ASPM: variants seen among roughly 807,000 people sequenced by gnomAD.
ASPM encodes abnormal spindle-like microcephaly-associated protein.
Under a neutral mutation model 366.4 loss-of-function variants are expected in ASPM, and 256 were observed. That is an observed-to-expected ratio of 0.70 (90% CI 0.63 to 0.77). The LOEUF (loss-of-function observed/expected upper bound fraction) is 0.77. ASPM is among the 30% of genes least tolerant of loss of function. The pLI, the probability that ASPM is intolerant of heterozygous loss-of-function variation, is 0.00. For missense variants in ASPM, 4,146 were observed against 4,090.4 expected (o/e 1.01, Z -0.37); for synonymous variants, 1,414 against 1,342.9 (o/e 1.05, Z -1.16).
rs566435162 is a variant in ASPM at position 197,138,412 on chromosome 1, C to T, written c.2026+1355G>A. On this transcript the variant is annotated intron_variant, in intron 4 of 27. Coordinates refer to ENST00000367409, the MANE Select transcript of ASPM (RefSeq NM_018136.5). ...CCACCTCTGGGGCCCAAGTGACTCT[C>T]CCAGCCTCCCAAGCAGCTGGGACCA... Among the ~76,000 whole-genome samples, 4 of 152,184 alleles carry T rather than the reference C, an allele frequency of 2.6e-5. No individual in the cohort carries two copies. The South Asian group carries it at 8.3e-4, about 32-fold the overall frequency.
Position 197,101,171 on chromosome 1 carries a change from G to A in ASPM, c.8080C>T (p.Leu2694=). ...TGCATTCGATAGAATGACTGAATTA[G>A]TGTGGCAGCCCGGTGCATATTTTGA... The part of the protein sequence containing the change: ...DIQNMHRAAT[L]IQSFYRMHRA... Residue 2694 remains leucine (L), a synonymous_variant, in exon 18 of 28, where the codon CTA becomes TTA. Transcript: ENST00000367409. The A allele has an allele frequency of 2.5e-6, 4 of 1,612,398 alleles. No homozygotes were observed. The highest frequency in any genetic ancestry group is 2.5e-6 in the Non-Finnish European group (3 of 1,179,102).
At chr1:197,089,252 C>T (rs1172313228) in intron 25 of ASPM, among the ~76,000 whole-genome samples, 1 of 151,924 alleles carries the variant, frequency 6.6e-6, no homozygotes, top group Non-Finnish European at 1.5e-5. Context: ...GGGTAAAGCG[C>T]TTTAAGTTGT....
Position 197,102,536 on chromosome 1 carries a change from G to C in ASPM, c.6715C>G (p.Leu2239Val). Residue 2239 changes from leucine to valine, a missense_variant, in exon 18 of 28, where the codon CTG becomes GTG. Around this residue, in one of 3 missense-constraint regions of ASPM, gnomAD observed 3,624 missense variants for 3,591.7 expected, o/e 1.01. Transcript: ENST00000367409. ...RNIQFQRYNK[L>V]RHSVIYIQAI... ...TGAATGTATATTACAGAATGCCTCA[G>C]TTTGTTATACCTTTGAAATTGTATG... 1.9e-6 allele frequency: 3 copies of C among 1,612,482 alleles called. No homozygotes were observed. Among genetic ancestry groups the C allele is most frequent in the Non-Finnish European group, 2.5e-6 (3 of 1,179,194 alleles).
intron 5 of ASPM, 96 bp from the exon 6 acceptor site, chr1:197,133,691 A>G: frequency 1.4e-6 from 2 of 1,429,802 alleles, no homozygotes; most frequent in Non-Finnish European, 9.6e-7. Flanking sequence ...CGGTAAAAAC[A>G]TAATCTATTC....
intron 12 of ASPM, among the ~76,000 whole-genome samples, chr1:197,124,551 G>C (rs544061722): frequency 6.6e-6 from 1 of 151,600 alleles, no homozygotes; most frequent in East Asian, 2.0e-4. Context: ...ACACTGAAGT[G>C]ATAAAATGTT....
rs1372165891 is a variant in ASPM at position 197,146,658 on chromosome 1, C to A, written c.-221G>T. On this transcript the variant is annotated 5_prime_UTR_variant, in exon 1 of 28. Transcript: ENST00000367409. ...AAAAAGAGGAGCCAAACAAGTATGG[C>A]GTTTTGACTCTGTTTAAACTTGCCG... 3.3e-6 allele frequency: 2 copies of A among 600,018 alleles called. No homozygotes were observed. The highest frequency in any genetic ancestry group is 3.0e-5 in the Admixed American group (1 of 33,366). 37.2% of individuals were successfully genotyped at this position (600,018 alleles called of 1,614,324 possible). A position where few individuals can be genotyped will look rare whatever the true frequency, so the allele number is the denominator to read the frequency against.
chr1:197,103,226 T>C lies in ASPM; in HGVS notation c.6025A>G (p.Ile2009Val), dbSNP rs771315586. The C allele has an allele frequency of 1.2e-6, 2 of 1,612,924 alleles. No homozygotes were observed. The highest frequency in any genetic ancestry group is 1.7e-6 in the Non-Finnish European group (2 of 1,179,432). Residue 2009 changes from isoleucine (I) to valine (V), a missense_variant, in exon 18 of 28, where the codon ATT becomes GTT. By Grantham distance (29) the Ile-to-Val change is conservative (BLOSUM62 3). Around this residue, in one of 3 missense-constraint regions of ASPM, gnomAD observed 3,624 missense variants for 3,591.7 expected, o/e 1.01. Coordinates refer to ENST00000367409, the MANE Select transcript of ASPM (RefSeq NM_018136.5). ...TATAAATGATTCTGTTCTCTTCCAA[T>C]ACTGTAAGCCCTATAATACTTTTGA... The part of the protein sequence containing the change: ...LIQKYYRAYS[I>V]GREQNHLYLK...
chr1:197,120,638 T>C (rs867287604), intron 16 of ASPM, among the ~76,000 whole-genome samples: 2 of 152,142 alleles, frequency 1.3e-5, no homozygotes, highest in South Asian at 2.1e-4. Flanking sequence ...TTTAATGCAA[T>C]ATACAATGGG....
chr1:197,143,353 G>A lies in ASPM; in HGVS notation c.899C>T (p.Pro300Leu), dbSNP rs1391535966. Residue 300 changes from proline (P) to leucine (L), a missense_variant, in exon 3 of 28, where the codon CCC becomes CTC. Around this residue, in one of 3 missense-constraint regions of ASPM, gnomAD observed 512 missense variants for 471.7 expected, o/e 1.09. Transcript: ENST00000367409. ...AATGTTCAAAGTTGAAGAACAGTTG[G>A]GGGTAAGACTAAGTTTACTATTCTC... ...RGENSKLSLT[P>L]NCSSTLNITQ... 1 of 1,613,930 alleles carries A rather than the reference G, an allele frequency of 6.2e-7. No individual in the cohort carries two copies. Among genetic ancestry groups the A allele is most frequent in the Non-Finnish European group, 8.5e-7 (1 of 1,179,804 alleles).
chr1:197,133,283 G>A (rs1317197328), intron 6 of ASPM, 67 bp downstream of exon 6: 34 of 1,531,442 alleles, frequency 2.2e-5, no homozygotes, highest in Non-Finnish European at 1.6e-5. Context: ...AAAGCCGGGG[G>A]AAAAAAACAC....
Position 197,146,123 on chromosome 1 carries a change from G to A in ASPM, c.297+18C>T, listed in dbSNP as rs538255813. 1 of 1,613,906 alleles carries A rather than the reference G, an allele frequency of 6.2e-7. No homozygotes were observed. Among genetic ancestry groups the A allele is most frequent in the South Asian group, 1.1e-5 (1 of 91,076 alleles). On this transcript the variant is annotated intron_variant, in intron 1 of 27. Transcript: ENST00000367409. ...GAAGCAGAACACCGGCCTGGAGCAC[G>A]CTCCTCCTGAGACCTACCTGCAACA...
rs77736715 is a variant in ASPM, at chr1:197,143,347, C to G, written c.905G>C (p.Cys302Ser). 1.9e-6 allele frequency: 3 copies of G among 1,613,918 alleles called. No individual in the cohort carries two copies. The highest frequency in any genetic ancestry group is 2.5e-6 in the Non-Finnish European group (3 of 1,179,818). The change falls in exon 3 of 28, where the codon TGT (cysteine) becomes TCT (serine). Residue 302 changes from cysteine (C) to serine (S), a missense_variant. By Grantham distance (112) the Cys-to-Ser change is moderately radical. Transcript: ENST00000367409. ...TTGTGTAATGTTCAAAGTTGAAGAA[C>G]AGTTGGGGGTAAGACTAAGTTTACT... ...ENSKLSLTPN[C>S]SSTLNITQSQ...
Position 197,104,063 on chromosome 1 carries a change from C to A in ASPM, c.5188G>T (p.Glu1730Ter). The A allele has an allele frequency of 1.9e-6, 3 of 1,612,946 alleles. No homozygotes were observed. The highest frequency in any genetic ancestry group is 2.5e-6 in the Non-Finnish European group (3 of 1,179,448). Residue 1730 changes from glutamate to a stop codon, truncating the protein, a stop_gained, in exon 18 of 28, where the codon GAA (glutamate) becomes TAA (stop). Transcript: ENST00000367409. LOFTEE classifies it high-confidence loss of function. ...QKREEYMQMR[E>*]SCIKLQAFVR... The stretch of plus-strand genomic sequence containing the variant: ...AATGCTTGCAGTTTGATACAAGATT[C>A]CCGCATCTGCATATACTCTTCTCTC...
At chr1:197,111,726 C>T (rs950269650) in intron 17 of ASPM, among the ~76,000 whole-genome samples, 4 of 151,980 alleles carry the variant, frequency 2.6e-5, no homozygotes, top group Non-Finnish European at 5.9e-5. Flanking sequence ...TACACACACA[C>T]TGGAGACATA....
intron 16 of ASPM, 99 bp from the exon 17 acceptor site, chr1:197,118,082 T>C (rs1571612079): frequency 2.6e-6 from 3 of 1,161,138 alleles, no homozygotes; most frequent in South Asian, 1.3e-5. Context: ...ATCAAATTGA[T>C]ACTGGAAATA....
At chr1:197,140,493 T>C (rs532194195) in intron 3 of ASPM, among the ~76,000 whole-genome samples, 1 of 152,222 alleles carries the variant, frequency 6.6e-6, no homozygotes, top group South Asian at 2.1e-4. Flanking sequence ...AACAAATTTA[T>C]GAGAAGTGTA....
rs368239890 is a variant in ASPM, at chr1:197,128,676, A to G, written c.2761-11T>C. 440 of 1,593,940 alleles carry G rather than the reference A, an allele frequency of 2.8e-4. No individual in the cohort carries two copies. The highest frequency in any genetic ancestry group is 3.6e-4 in the Non-Finnish European group (419 of 1,164,538). On this transcript the variant is annotated splice_polypyrimidine_tract_variant and intron_variant, in intron 9 of 27. Coordinates refer to ENST00000367409, the MANE Select transcript of ASPM (RefSeq NM_018136.5). ...GATTTCTTTACTAGCCTATAAAGAAATAAGTTCCAGATATTATATTCCAAT... is the reference window on the plus strand; with the variant it reads ...GATTTCTTTACTAGCCTATAAAGAAGTAAGTTCCAGATATTATATTCCAAT...
At position 197,142,902 on chromosome 1, in the gene ASPM, A is replaced by T; in HGVS notation, c.1350T>A (p.Ile450=). The change falls in exon 3 of 28, where the codon ATT becomes ATA. Residue 450 remains isoleucine, a synonymous_variant. Transcript: ENST00000367409. ...ACTTCATTTCTACTAGTTCTTCAAA[A>T]ATAGCTTTGGGAGATTTTGAACCCT... ...ECQGSKSPKA[I]FEELVEMKSN... is the part of the protein sequence containing the mutation. 6.2e-7 allele frequency: 1 copy of T among 1,613,892 alleles called. No homozygotes were observed. Among genetic ancestry groups the T allele is most frequent in the Non-Finnish European group, 8.5e-7 (1 of 1,179,788 alleles).
In ASPM at chr1:197,132,298, C is replaced by T. The variant is rs766198125; in HGVS notation, c.2474G>A (p.Arg825Gln). The T allele has an allele frequency of 5.6e-6, 9 of 1,612,502 alleles. No homozygotes were observed. The highest frequency in any genetic ancestry group is 7.6e-6 in the Non-Finnish European group (9 of 1,179,176). The change falls in exon 7 of 28, where the codon CGA (arginine) becomes CAA (glutamine). Residue 825 changes from arginine to glutamine, a missense_variant. Physicochemically the swap from Arg to Gln is conservative, Grantham distance 43. Coordinates refer to ENST00000367409, the MANE Select transcript of ASPM (RefSeq NM_018136.5). ...ATATATGCTTACCTCTAGACCAATTCGAAGCCACAAAGGATTGTAGGACAA... is the reference window on the plus strand; with the variant it reads ...ATATATGCTTACCTCTAGACCAATTTGAAGCCACAAAGGATTGTAGGACAA... ...WLLSYNPLWL[R>Q]IGLETTYGEL...
Sources: allele counts gnomAD v4.1 joint callset (sites outside exome capture counted in the v4.1 genomes callset), GRCh38; gene constraint gnomAD v4.1.1; regional missense constraint gnomAD v4.1.1; transcripts MANE v1.5; gene names NCBI Gene and HGNC (gene_info 2026-07-23, HGNC 2026-07-21).